PELP1: variants seen among roughly 807,000 people sequenced by gnomAD.
The protein encoded by PELP1 is proline, glutamate and leucine rich protein 1.
PELP1 carries 32 observed loss-of-function variants against 95.5 expected under a neutral mutation model. The observed-to-expected ratio is 0.34, with a 90% CI of 0.25 to 0.45. The LOEUF is 0.45. Among genes scored for constraint, PELP1 ranks in the 20% least tolerant of loss-of-function variants. PELP1 has a pLI of 1.00. For missense variants in PELP1, 1,358 were observed against 1,444.8 expected, an observed-to-expected ratio of 0.94 and a Z score of 0.97; for synonymous variants, 668 against 600.1, an observed-to-expected ratio of 1.11 and a Z score of -1.65.
Position 4,671,576 on chromosome 17 carries a change from T to C in PELP1, c.3301-45A>G, listed in dbSNP as rs369628684. The C allele has an allele frequency of 1.5e-4, 247 of 1,610,788 alleles. 1 individual carries two copies. The African/African-American group carries it at 3.0e-3, about 19-fold the overall frequency. Reference sequence around the variant, plus strand: ...AAGATTCAGAATAGTCACACACACATACACAGAAGAATGGTTCAGGCTGGG... The same window carrying C: ...AAGATTCAGAATAGTCACACACACACACACAGAAGAATGGTTCAGGCTGGG... On this transcript the variant is annotated intron_variant, in intron 16 of 16. Coordinates refer to ENST00000572293, the MANE Select transcript of PELP1 (RefSeq NM_014389.3).
At chr17:4,703,839 C>T (rs1597461235) in intron 1 of PELP1, 24 bp downstream of exon 1, 2 of 1,591,038 alleles carry the variant, frequency 1.3e-6, no homozygotes, top group East Asian at 4.5e-5. Context: ...CACAGGGCCG[C>T]GGGCACGCGG....
At chr17:4,684,672 C>A (rs1197819112) in intron 3 of PELP1, among the ~76,000 whole-genome samples, 2 of 152,104 alleles carry the variant, frequency 1.3e-5, no homozygotes, top group African/African-American at 2.4e-5. Context: ...TCTCTCCCAT[C>A]TTAAAAAAAT....
At chr17:4,679,302 T>C (rs988556166) in intron 5 of PELP1, among the ~76,000 whole-genome samples, 5 of 152,084 alleles carry the variant, frequency 3.3e-5, no homozygotes, top group African/African-American at 1.2e-4. Context: ...AGACACTCCC[T>C]GGAAGGACAC....
chr17:4,673,979 C>G lies in PELP1; in HGVS notation c.1583-305G>C. 2.5e-6 allele frequency: 1 copy of G among 396,716 alleles called. No individual in the cohort carries two copies. Among genetic ancestry groups the G allele is most frequent in the Non-Finnish European group, 4.6e-6 (1 of 215,228 alleles). The allele number at this position is 396,716 out of a possible 1,614,324, so 24.6% of individuals were successfully genotyped here. A position where few individuals can be genotyped will look rare whatever the true frequency, so the allele number is the denominator to read the frequency against. Reference sequence around the variant, plus strand: ...GTGGCAGGCAGTGAAATATATGGGACCCAGAGGAAAGGCATCCATTAACTG... The same window carrying G: ...GTGGCAGGCAGTGAAATATATGGGAGCCAGAGGAAAGGCATCCATTAACTG... On this transcript the variant is annotated intron_variant, in intron 13 of 16. Coordinates refer to ENST00000572293, the MANE Select transcript of PELP1 (RefSeq NM_014389.3). The surrounding 1 kb of genome is among the most constrained non-coding windows in gnomAD (Gnocchi z 5.7).
At position 4,691,408 on chromosome 17, in the gene PELP1, C is replaced by G. The variant is rs1913092982; in HGVS notation, c.284G>C (p.Ser95Thr). ...TTTGATGGAACTGAGACGTGCATTACTGAGACTCACCAATGCCCCAAGAGC... is the reference window on the plus strand; with the variant it reads ...TTTGATGGAACTGAGACGTGCATTAGTGAGACTCACCAATGCCCCAAGAGC... ...LSALGALVSL[S>T]NARLSSIKTR... The change falls in exon 2 of 17, where the codon AGT (serine) becomes ACT (threonine). Residue 95 changes from serine (S) to threonine (T), a missense_variant. Physicochemically the swap from Ser to Thr is moderately conservative, Grantham distance 58 (BLOSUM62 1). This residue lies in a region of PELP1 where 169 missense variants were observed against 134.9 expected (regional missense o/e 1.25). Transcript: ENST00000572293. The G allele has an allele frequency of 6.2e-7, 1 of 1,613,658 alleles. No homozygotes were observed. Among genetic ancestry groups the G allele is most frequent in the African/African-American group, 1.3e-5 (1 of 74,930 alleles).
At chr17:4,699,410 G>C (rs1321619795) in intron 1 of PELP1, among the ~76,000 whole-genome samples, 1 of 152,124 alleles carries the variant, frequency 6.6e-6, no homozygotes, top group Non-Finnish European at 1.5e-5. Flanking sequence ...GAATCTAGGA[G>C]AAGGGTATAT....
intron 6 of PELP1, 31 bp downstream of exon 6, chr17:4,676,722 C>G: frequency 1.3e-6 from 2 of 1,542,240 alleles, no homozygotes; most frequent in Admixed American, 3.9e-5. Flanking sequence ...CTCAGATCCC[C>G]GGGCTCTCCC....
intron 5 of PELP1, among the ~76,000 whole-genome samples, chr17:4,679,710 C>T (rs1912623566): frequency 6.6e-6 from 1 of 152,162 alleles, no homozygotes; most frequent in Non-Finnish European, 1.5e-5. Context: ...AGTAAATAAC[C>T]TCTGCTAATC....
At chr17:4,683,051 A>G (rs1912750540) in intron 3 of PELP1, 99 bp from the exon 4 acceptor site, 1 of 1,370,008 alleles carries the variant, frequency 7.3e-7, no homozygotes, top group South Asian at 2.0e-5. Flanking sequence ...TGCCACGGTT[A>G]ATGTCAGTCT....
chr17:4,675,344 G>T lies in PELP1; in HGVS notation c.1087C>A (p.Pro363Thr). ...GAGGGCAGCAGCAGCAGCCGCAGGG[G>T]ACCATCTCCATGCAAGCTCTGGAGA... ...SKNISLHGDG[P>T]LRLLLLPSIH... Residue 363 changes from proline to threonine, a missense_variant, in exon 10 of 17, where the codon CCC (proline) becomes ACC (threonine). This residue lies in a region of PELP1 where 538 missense variants were observed against 628.1 expected (regional missense o/e 0.86). Coordinates refer to ENST00000572293, the MANE Select transcript of PELP1 (RefSeq NM_014389.3). The surrounding 1 kb of genome is among the most constrained non-coding windows in gnomAD (Gnocchi z 4.3). The T allele has an allele frequency of 1.3e-6, 2 of 1,552,018 alleles. No homozygotes were observed. Among genetic ancestry groups the T allele is most frequent in the South Asian group, 1.2e-5 (1 of 84,304 alleles).
intron 3 of PELP1, among the ~76,000 whole-genome samples, chr17:4,684,758 G>A (rs1477557428): frequency 6.6e-6 from 1 of 152,136 alleles, no homozygotes; most frequent in Non-Finnish European, 1.5e-5. Context: ...GCAGTGGTGT[G>A]ATCTTGGCTC....
chr17:4,675,762 G>C lies in PELP1; in HGVS notation c.1068+35C>G, dbSNP rs1389961656. On this transcript the variant is annotated intron_variant, in intron 9 of 16. Transcript: ENST00000572293. The surrounding 1 kb of genome is among the most constrained non-coding windows in gnomAD (Gnocchi z 4.3). ...CTTTCCTGGTTGCCTGGTATCCTGA[G>C]CAAGGGCTCTGAAGAGATGACAAAT... 6.9e-7 allele frequency: 1 copy of C among 1,451,636 alleles called. No individual in the cohort carries two copies. Among genetic ancestry groups the C allele is most frequent in the African/African-American group, 1.4e-5 (1 of 71,180 alleles). 89.9% of individuals were successfully genotyped at this position (1,451,636 alleles called of 1,614,324 possible). A position where few individuals can be genotyped will look rare whatever the true frequency, so the allele number is the denominator to read the frequency against.
At chr17:4,691,567 A>G in intron 1 of PELP1, 125 bp from the exon 2 acceptor site, 1 of 712,008 alleles carries the variant, frequency 1.4e-6, no homozygotes, top group South Asian at 1.7e-5. Flanking sequence ...TCTGAGGCCA[A>G]AAGGCCATCC....
intron 5 of PELP1, among the ~76,000 whole-genome samples, chr17:4,682,246 T>C (rs757564569): frequency 1.4e-4 from 22 of 152,170 alleles, no homozygotes; most frequent in Non-Finnish European, 3.1e-4. Flanking sequence ...GAGCCCATGG[T>C]TCAGAGTCTG....
At chr17:4,700,229 G>A (rs931629078) in intron 1 of PELP1, among the ~76,000 whole-genome samples, 1 of 152,148 alleles carries the variant, frequency 6.6e-6, no homozygotes, top group East Asian at 1.9e-4. Flanking sequence ...GAGCCTGTAT[G>A]CTGATGAAAA....
intron 3 of PELP1, chr17:4,683,221 C>CTT: frequency 4.2e-6 from 1 of 236,022 alleles, no homozygotes; most frequent in African/African-American, 2.6e-5. Context: ...GAAGAGTTTT[C>CTT]TTTTTTTTTT....
At chr17:4,682,318 A>G (rs2150557801) in intron 5 of PELP1, among the ~76,000 whole-genome samples, 184 bp downstream of exon 5, 1 of 152,344 alleles carries the variant, frequency 6.6e-6, no homozygotes, top group Non-Finnish European at 1.5e-5. Flanking sequence ...TCTTGATTCC[A>G]ACTTCTTTGG....
At position 4,672,737 on chromosome 17, in the gene PELP1, G is replaced by C. The variant is rs982460213; in HGVS notation, c.2254C>G (p.Pro752Ala). Residue 752 changes from proline (P) to alanine (A), a missense_variant, in exon 16 of 17, where the codon CCA (proline) becomes GCA (alanine). Physicochemically the swap from Pro to Ala is conservative, Grantham distance 27. Coordinates refer to ENST00000572293, the MANE Select transcript of PELP1 (RefSeq NM_014389.3). ...PSGTPPPTIPPDETFGGRVPR... is the reference protein window; with the variant it reads ...PSGTPPPTIPADETFGGRVPR... ...ACTCTCCCCCCAAAAGTTTCATCTG[G>C]GGGTATAGTAGGTGGGGGAGTCCCA... 4 of 1,613,456 alleles carry C rather than the reference G, an allele frequency of 2.5e-6. No individual in the cohort carries two copies. Among genetic ancestry groups the C allele is most frequent in the African/African-American group, 2.7e-5 (2 of 74,922 alleles).
intron 5 of PELP1, among the ~76,000 whole-genome samples, chr17:4,677,118 C>T (rs913214724): frequency 5.3e-5 from 8 of 151,344 alleles, no homozygotes; most frequent in Non-Finnish European, 1.2e-4. Flanking sequence ...GCCAAAAGGA[C>T]ATAGTACTAA....
Sources: allele counts gnomAD v4.1 joint callset (sites outside exome capture counted in the v4.1 genomes callset), GRCh38; gene constraint gnomAD v4.1.1; regional missense constraint gnomAD v4.1.1; non-coding constraint Gnocchi (gnomAD v3.1); transcripts MANE v1.5; gene names NCBI Gene and HGNC (gene_info 2026-07-23, HGNC 2026-07-21).